The following FRY variants were observed in gnomAD, a reference collection of about 807,000 sequenced individuals.
FRY encodes protein furry homolog.
Under a neutral mutation model 348.4 loss-of-function variants are expected in FRY, and 128 were observed. That is an observed-to-expected ratio of 0.37 (90% CI 0.32 to 0.43). The LOEUF is 0.43. FRY is among the 20% of genes least tolerant of loss of function. The pLI, the probability that FRY is intolerant of heterozygous loss-of-function variation, is 1.00. For synonymous variants in FRY, 1,370 were observed against 1,374.7 expected, an observed-to-expected ratio of 1.00 and a Z score of 0.08; for missense variants, 2,736 against 3,695.2, an observed-to-expected ratio of 0.74 and a Z score of 6.73.
At chr13:32,195,862 C>T (rs1883644285) in intron 29 of FRY, among the ~76,000 whole-genome samples, 1 of 152,124 alleles carries the variant, frequency 6.6e-6, no homozygotes, top group African/African-American at 2.4e-5. Context: ...GGGCAGAGGG[C>T]AGGAGAATAC....
intron 1 of FRY, among the ~76,000 whole-genome samples, chr13:32,067,720 A>G (rs1442996971): frequency 1.3e-5 from 2 of 152,200 alleles, no homozygotes; most frequent in Admixed American, 1.3e-4. Flanking sequence ...ACAGGTAAGG[A>G]CGCTGAAGCC....
chr13:32,158,774 C>T (rs780349644), intron 16 of FRY, among the ~76,000 whole-genome samples: 3 of 151,616 alleles, frequency 2.0e-5, no homozygotes, highest in Non-Finnish European at 4.4e-5. Context: ...AAAAATTAGC[C>T]GGGCATGGTG....
At chr13:32,262,891 A>C (rs775891787) in intron 53 of FRY, among the ~76,000 whole-genome samples, 2 of 152,214 alleles carry the variant, frequency 1.3e-5, no homozygotes, top group Non-Finnish European at 2.9e-5. Context: ...GTAGGAAACA[A>C]TTATACAATT....
chr13:32,168,899 G>T (rs1281921241), intron 17 of FRY, among the ~76,000 whole-genome samples: 2 of 152,222 alleles, frequency 1.3e-5, no homozygotes, highest in East Asian at 3.8e-4. Context: ...GATAACTGGG[G>T]TGACTTGTGT....
intron 53 of FRY, 115 bp from the exon 54 acceptor site, chr13:32,265,335 C>A: frequency 1.0e-6 from 1 of 998,170 alleles, no homozygotes. Context: ...AACAAATGTC[C>A]CCATTTCTAT....
chr13:32,120,240 G>A (rs559881754), intron 4 of FRY, among the ~76,000 whole-genome samples: 1 of 152,082 alleles, frequency 6.6e-6, no homozygotes, highest in African/African-American at 2.4e-5. Context: ...TGTAGATGGA[G>A]AAATTGCCGA....
chr13:32,143,226 A>G (rs796585457), intron 11 of FRY, among the ~76,000 whole-genome samples: 11 of 152,320 alleles, frequency 7.2e-5, no homozygotes, highest in African/African-American at 2.6e-4. Flanking sequence ...GTAAAAAAAC[A>G]TGTTTGTATT....
Position 32,124,892 on chromosome 13 carries a change from A to G in FRY, c.716+17A>G, listed in dbSNP as rs775652470. On this transcript the variant is annotated intron_variant, in intron 7 of 60. Transcript: ENST00000542859. Reference sequence around the variant, plus strand: ...ACAAGCCAAGTAAGTGAATGCCAGAACCCTTTACCATGAGAACGTGCGTGC... The same window carrying G: ...ACAAGCCAAGTAAGTGAATGCCAGAGCCCTTTACCATGAGAACGTGCGTGC... 4 of 1,558,388 alleles carry G rather than the reference A, an allele frequency of 2.6e-6. No homozygotes were observed. In the Admixed American group the frequency reaches 5.0e-5, roughly 19 times the overall value.
chr13:32,255,272 G>T (rs1887274059), intron 51 of FRY, among the ~76,000 whole-genome samples: 1 of 152,136 alleles, frequency 6.6e-6, no homozygotes, highest in African/African-American at 2.4e-5. Flanking sequence ...CTCTCTGCTA[G>T]TCCTACAATT....
At chr13:32,274,003 C>A (rs368062224) in intron 55 of FRY, among the ~76,000 whole-genome samples, 1 of 152,154 alleles carries the variant, frequency 6.6e-6, no homozygotes, top group East Asian at 1.9e-4. Context: ...TATTTCATGT[C>A]TGAAAAAATC....
Position 32,261,715 on chromosome 13 carries a change from G to A in FRY, c.7516G>A (p.Gly2506Arg). 1 of 1,614,144 alleles carries A rather than the reference G, an allele frequency of 6.2e-7. No homozygotes were observed. Among genetic ancestry groups the A allele is most frequent in the African/African-American group, 1.3e-5 (1 of 75,018 alleles). ...GATTCTGGAGGAGCGCCAACTGTCA[G>A]GAAGCACTCCTAGCCTGAATAAAAT... The part of the protein sequence containing the change: ...MQILEERQLS[G>R]STPSLNKMHH... The change falls in exon 52 of 61, where the codon GGA (glycine) becomes AGA (arginine). Residue 2506 changes from glycine to arginine, a missense_variant. Physicochemically the swap from Gly to Arg is moderately radical, Grantham distance 125 (BLOSUM62 -2). This residue lies in a region of FRY where 789 missense variants were observed against 996.2 expected (regional missense o/e 0.79). Transcript: ENST00000542859.
intron 1 of FRY, among the ~76,000 whole-genome samples, chr13:32,048,793 A>T (rs1456570299): frequency 6.6e-6 from 1 of 152,126 alleles, no homozygotes; most frequent in Non-Finnish European, 1.5e-5. Context: ...AAAAAATCTG[A>T]ATATAAAGAT....
intron 1 of FRY, among the ~76,000 whole-genome samples, chr13:32,037,139 C>T (rs1278123553): frequency 6.6e-6 from 1 of 152,056 alleles, no homozygotes; most frequent in African/African-American, 2.4e-5. Context: ...CAAGTCTTTT[C>T]CGTCTATTGC....
In FRY at chr13:32,246,156, C is replaced by T. The variant is rs368991904; in HGVS notation, c.6829-1167C>T. On this transcript the variant is annotated intron_variant, in intron 47 of 60. Coordinates refer to ENST00000542859, the MANE Select transcript of FRY (RefSeq NM_023037.3). ...GTCCATTTTGTCTTAGGCCTGCGGG[C>T]GACGTCTGATACTTTTTATCTTAAC... is the stretch of plus-strand genomic sequence containing the variant. 5.8e-4 allele frequency among the ~76,000 whole-genome samples: 89 copies of T among 152,228 alleles called. No individual in the cohort carries two copies. In the South Asian group the frequency reaches 6.8e-3, roughly 12 times the overall value.
chr13:32,041,973 A>T (rs1352996479), intron 1 of FRY, among the ~76,000 whole-genome samples: 2 of 152,244 alleles, frequency 1.3e-5, no homozygotes, highest in Admixed American at 6.5e-5. Context: ...TTTAAGAAAG[A>T]TCAAAATTAT....
chr13:32,114,163 T>C (rs375218658), intron 3 of FRY, among the ~76,000 whole-genome samples: 14 of 152,328 alleles, frequency 9.2e-5, no homozygotes, highest in African/African-American at 3.4e-4. Flanking sequence ...GTAGTGAGTA[T>C]TGGAACTTAT....
At chr13:32,046,557 T>C (rs771664949) in intron 1 of FRY, among the ~76,000 whole-genome samples, 31 of 152,324 alleles carry the variant, frequency 2.0e-4, no homozygotes, top group Non-Finnish European at 3.8e-4. Flanking sequence ...TTTTTCTTGC[T>C]GAAAACAGAA....
At chr13:32,268,505 A>AAAAT (rs1555273232) in intron 55 of FRY, among the ~76,000 whole-genome samples, 1 of 28,306 alleles carries the variant, frequency 3.5e-5, no homozygotes, top group African/African-American at 9.3e-5. Context: ...AAAAAAAAAA[A>AAAAT]ATATATATAT....
chr13:32,177,467 G>T (rs1444443112), intron 20 of FRY, among the ~76,000 whole-genome samples: 1 of 152,054 alleles, frequency 6.6e-6, no homozygotes, highest in African/African-American at 2.4e-5. Flanking sequence ...GGTGGCGATT[G>T]CCTGTAATCC....
Sources: allele counts gnomAD v4.1 joint callset (sites outside exome capture counted in the v4.1 genomes callset), GRCh38; gene constraint gnomAD v4.1.1; regional missense constraint gnomAD v4.1.1; transcripts MANE v1.5; gene names NCBI Gene and HGNC (gene_info 2026-07-23, HGNC 2026-07-21).